EIF2AK4: variants seen among roughly 807,000 people sequenced by gnomAD.
EIF2AK4 encodes eukaryotic translation initiation factor 2 alpha kinase 4.
A neutral mutation model predicts 211.1 loss-of-function variants in EIF2AK4; 139 were observed. The observed-to-expected ratio is 0.66, with a 90% CI of 0.57 to 0.76. The LOEUF is 0.76. Among genes scored for constraint, EIF2AK4 ranks in the 30% least tolerant of loss-of-function variants. The pLI is 0.00. For missense variants in EIF2AK4, 1,664 were observed against 2,043.8 expected, an observed-to-expected ratio of 0.81 and a Z score of 3.58; for synonymous variants, 710 against 751.3, an observed-to-expected ratio of 0.94 and a Z score of 0.90.
intron 9 of EIF2AK4, among the ~76,000 whole-genome samples, chr15:39,971,041 A>T (rs902179859): frequency 1.3e-5 from 2 of 152,178 alleles, no homozygotes; most frequent in Admixed American, 1.3e-4. Context: ...TTTTAAGTAT[A>T]TTGTTTTAAT....
intron 1 of EIF2AK4, among the ~76,000 whole-genome samples, chr15:39,937,822 T>C (rs956048523): frequency 6.6e-6 from 1 of 152,210 alleles, no homozygotes; most frequent in African/African-American, 2.4e-5. Flanking sequence ...ATATAGGCAA[T>C]TGAATTTTTC....
At chr15:39,989,607 G>A (rs1223082402) in intron 15 of EIF2AK4, among the ~76,000 whole-genome samples, 1 of 152,232 alleles carries the variant, frequency 6.6e-6, no homozygotes, top group East Asian at 1.9e-4. Context: ...AGGCACAAGT[G>A]TGTGTCCCGT....
At chr15:40,008,300 G>C (rs2035189067) in intron 25 of EIF2AK4, 105 bp downstream of exon 25, 1 of 1,031,462 alleles carries the variant, frequency 9.7e-7, no homozygotes, top group Non-Finnish European at 1.4e-6. Flanking sequence ...CTGTCCTGCA[G>C]ATGAATCACA....
intron 33 of EIF2AK4, among the ~76,000 whole-genome samples, chr15:40,027,733 A>G (rs988437502): frequency 1.3e-5 from 2 of 152,116 alleles, no homozygotes; most frequent in Non-Finnish European, 2.9e-5. Flanking sequence ...TACTAAAGAT[A>G]CAAAAAAATT....
intron 34 of EIF2AK4, 144 bp downstream of exon 34, chr15:40,029,608 C>A: frequency 1.3e-6 from 1 of 781,732 alleles, no homozygotes; most frequent in Non-Finnish European, 1.9e-6. Flanking sequence ...TGGGATGCAT[C>A]CCTATGCTTT....
intron 2 of EIF2AK4, among the ~76,000 whole-genome samples, chr15:39,941,937 T>A (rs1388126715): frequency 6.6e-6 from 1 of 152,230 alleles, no homozygotes; most frequent in Non-Finnish European, 1.5e-5. Context: ...ATGGGATGAT[T>A]GCTTTTAACA....
At chr15:39,963,013 T>G (rs1409431363) in intron 7 of EIF2AK4, among the ~76,000 whole-genome samples, 1 of 152,238 alleles carries the variant, frequency 6.6e-6, no homozygotes, top group Admixed American at 6.5e-5. Flanking sequence ...TCTTTTCCCC[T>G]TCCTCTTTAA....
chr15:40,007,216 C>G (rs2035173673), intron 24 of EIF2AK4, 151 bp downstream of exon 24: 1 of 708,498 alleles, frequency 1.4e-6, no homozygotes, highest in African/African-American at 1.8e-5. Flanking sequence ...ACCAGAAGCC[C>G]AGCCACAGTA....
At chr15:39,945,745 C>G (rs892850778) in intron 3 of EIF2AK4, among the ~76,000 whole-genome samples, 1 of 152,174 alleles carries the variant, frequency 6.6e-6, no homozygotes, top group Admixed American at 6.5e-5. Flanking sequence ...CAGACTGACT[C>G]GCTTGTTAGG....
In EIF2AK4 at chr15:39,955,781, G is replaced by A. The variant is rs2034382444; in HGVS notation, c.743+13G>A. On this transcript the variant is annotated intron_variant, in intron 6 of 38. Coordinates refer to ENST00000263791, the MANE Select transcript of EIF2AK4 (RefSeq NM_001013703.4). ...CAGGAAGGTCTAGGTAAGTCCCTGG[G>A]ATTTCTGATCTGGGAGAATGACAGA... 6.3e-7 allele frequency: 1 copy of A among 1,575,122 alleles called. No homozygotes were observed. Among genetic ancestry groups the A allele is most frequent in the Non-Finnish European group, 8.6e-7 (1 of 1,164,428 alleles).
At chr15:40,024,825 C>A (rs1487745346) in intron 32 of EIF2AK4, among the ~76,000 whole-genome samples, 3 of 149,700 alleles carry the variant, frequency 2.0e-5, no homozygotes, top group Admixed American at 2.0e-4. Context: ...CTCCCAGGAT[C>A]AAGTGATCCT....
intron 1 of EIF2AK4, among the ~76,000 whole-genome samples, chr15:39,935,841 A>T (rs911053395): frequency 7.2e-5 from 11 of 152,236 alleles, no homozygotes; most frequent in Admixed American, 2.0e-4. Flanking sequence ...CAGGGAGCTT[A>T]CTTTTCTAAT....
chr15:39,968,875 T>TAG, intron 9 of EIF2AK4, among the ~76,000 whole-genome samples: 1 of 118,560 alleles, frequency 8.4e-6, no homozygotes, highest in Non-Finnish European at 2.1e-5. Context: ...GTGAATATGA[T>TAG]ATATATATAT....
At chr15:40,027,704 C>T (rs182626969) in intron 33 of EIF2AK4, among the ~76,000 whole-genome samples, 122 of 152,192 alleles carry the variant, frequency 8.0e-4, no homozygotes, top group African/African-American at 2.4e-3. Context: ...TCCTGGCTAA[C>T]ACGGTGAAAC....
intron 6 of EIF2AK4, among the ~76,000 whole-genome samples, chr15:39,956,464 TG>T (rs2034393708): frequency 6.6e-6 from 1 of 152,210 alleles, no homozygotes; most frequent in African/African-American, 2.4e-5. Context: ...CCACCACAGT[TG>T]TAAGGAGTGC....
At chr15:39,981,664 A>G (rs1274043295) in intron 13 of EIF2AK4, among the ~76,000 whole-genome samples, 2 of 152,176 alleles carry the variant, frequency 1.3e-5, no homozygotes, top group African/African-American at 4.8e-5. Flanking sequence ...CCTCAGAAAA[A>G]AATTATAAAT....
intron 1 of EIF2AK4, among the ~76,000 whole-genome samples, chr15:39,935,337 CT>C (rs374581386): frequency 1.7e-3 from 252 of 144,816 alleles, no homozygotes; most frequent in Middle Eastern, 3.6e-3. Flanking sequence ...ACTTCATCTG[CT>C]TTTTTTTTTT....
In EIF2AK4 at chr15:39,943,351, CT is replaced by C. The variant is rs5812147; in HGVS notation, c.258-12del. The C allele has an allele frequency of 0.17, 148,358 of 857,198 alleles. 278 individuals are homozygous for C. Among genetic ancestry groups the C allele is most frequent in the East Asian group, 0.21 (5,797 of 27,382 alleles). 53.1% of individuals were successfully genotyped at this position (857,198 alleles called of 1,614,324 possible). On this transcript the variant is annotated intron_variant, in intron 2 of 38. Coordinates refer to ENST00000263791, the MANE Select transcript of EIF2AK4 (RefSeq NM_001013703.4). ...ACAGGCTATACTTTCTGGAGTAACT[CT>C]TTTTTTTTTTTTTTTTTTTGCCTTT... is the stretch of plus-strand genomic sequence containing the variant.
rs566086082 is a variant in EIF2AK4 at position 39,945,395 on chromosome 15, C to T, written c.360+1910C>T. ...TCAAATTAGCCACCACATTCCTTTA[C>T]GCCAAAGCATAATCTGGATCAAGGC... On this transcript the variant is annotated intron_variant, in intron 3 of 38. Transcript: ENST00000263791. 6.2e-4 allele frequency among the ~76,000 whole-genome samples: 94 copies of T among 152,168 alleles called. 1 individual carries two copies. The highest frequency in any genetic ancestry group is 1.9e-4 in the African/African-American group (8 of 41,426).
Sources: allele counts gnomAD v4.1 joint callset (sites outside exome capture counted in the v4.1 genomes callset), GRCh38; gene constraint gnomAD v4.1.1; transcripts MANE v1.5; gene names NCBI Gene and HGNC (gene_info 2026-07-23, HGNC 2026-07-21).